PPOX: variants seen among roughly 807,000 people sequenced by gnomAD.
PPOX encodes variegate porphyria.
Under a neutral mutation model 54.1 loss-of-function variants are expected in PPOX, and 23 were observed. The ratio of observed to expected loss-of-function variants is 0.43; its 90% CI spans 0.31 to 0.60. The LOEUF (loss-of-function observed/expected upper bound fraction) is 0.60, where lower values mean the gene tolerates loss of function less well. PPOX is among the 20% of genes least tolerant of loss of function. PPOX has a pLI of 0.13. For synonymous variants in PPOX, 224 were observed against 236.1 expected (o/e 0.95, Z 0.47); for missense variants, 512 against 601.1 (o/e 0.85, Z 1.55).
At chr1:161,168,969 G>T in intron 6 of PPOX, 24 bp from the exon 7 acceptor site, 1 of 1,612,670 alleles carries the variant, frequency 6.2e-7, no homozygotes, top group Non-Finnish European at 8.5e-7. Flanking sequence ...CAGCCTCAAT[G>T]ATTCTTCTTT....
chr1:161,170,379 C>T lies in PPOX; in HGVS notation c.988-30C>T, dbSNP rs201087074. 7.9e-6 allele frequency: 11 copies of T among 1,398,414 alleles called. No individual in the cohort carries two copies. The South Asian group carries it at 1.3e-4, about 16-fold the overall frequency. The allele number at this position is 1,398,414 out of a possible 1,614,324, so 86.6% of individuals were successfully genotyped here. A position where few individuals can be genotyped will look rare whatever the true frequency, so the allele number is the denominator to read the frequency against. On this transcript the variant is annotated intron_variant, in intron 9 of 12. Coordinates refer to ENST00000367999, the MANE Select transcript of PPOX (RefSeq NM_001122764.3). ...AGACAGCCTCAGCTAGAGCCCTTTC[C>T]TTCTGACGCATGAATGTCCTTCTCT...
Position 161,176,894 on chromosome 1 carries a change from G to T in PPOX, c.418G>T (p.Glu140Ter). The T allele has an allele frequency of 6.5e-7, 1 of 1,536,238 alleles. No individual in the cohort carries two copies. The highest frequency in any genetic ancestry group is 1.2e-5 in the South Asian group (1 of 84,056). Residue 140 changes from glutamate to a stop codon, truncating the protein, a stop_gained, in exon 5 of 5, where the codon GAG becomes TAG. Coordinates refer to the PPOX transcript ENST00000497522. LOFTEE classifies it low-confidence loss of function (END_TRUNC). ...GCGACAGAGTCATGACAGGACCGTG[G>T]AGTGGCCTAAGGAGTACCCAGGGCG...
intron 9 of PPOX, 33 bp from the exon 10 acceptor site, chr1:161,170,376 T>C: frequency 1.6e-6 from 2 of 1,260,162 alleles, no homozygotes; most frequent in Non-Finnish European, 2.1e-6. Context: ...CTAGAGCCCT[T>C]TCCTTCTGAC....
chr1:161,172,036 G>T (rs1661635426), downstream of PPOX: 1 of 1,614,196 alleles, frequency 6.2e-7, no homozygotes. Flanking sequence ...GTATGTCAGT[G>T]AGTTCATCCC....
At chr1:161,174,823 AG>A, downstream of PPOX, 1 of 669,310 alleles carries the variant, frequency 1.5e-6, no homozygotes, top group Non-Finnish European at 2.6e-6. Flanking sequence ...ATTAAGGAAA[AG>A]TATGGGACTA....
chr1:161,167,567 T>TTC, intron 4 of PPOX, 81 bp downstream of exon 4: 2 of 1,387,706 alleles, frequency 1.4e-6, no homozygotes, highest in East Asian at 2.5e-5. Context: ...CTTTTTTTTT[T>TTC]TTTTTTTTTT....
At chr1:161,170,321 T>TCCCCCCCCCCCCCCC in intron 9 of PPOX, 88 bp from the exon 10 acceptor site, 1 of 367,766 alleles carries the variant, frequency 2.7e-6, no homozygotes, top group Admixed American at 3.5e-5. Context: ...TGAGACTCTG[T>TCCCCCCCCCCCCCCC]CCCCCCCACC....
chr1:161,168,331 C>T lies in PPOX; in HGVS notation c.472-101C>T, dbSNP rs41270023. ...CCGTCACAGTGGGAATGTCCCCCAA[C>T]CCAAACCCTATCCCACCCTCATTCC... On this transcript the variant is annotated intron_variant, in intron 5 of 12. Coordinates refer to ENST00000367999, the MANE Select transcript of PPOX (RefSeq NM_001122764.3). 14,147 of 1,588,674 alleles carry T rather than the reference C, an allele frequency of 8.9e-3. 74 individuals carry two copies. Among genetic ancestry groups the T allele is most frequent in the Non-Finnish European group, 0.011 (12,516 of 1,157,892 alleles).
intron 6 of PPOX, 37 bp from the exon 7 acceptor site, chr1:161,168,956 A>G: frequency 6.2e-7 from 1 of 1,611,006 alleles, no homozygotes; most frequent in South Asian, 1.1e-5. Context: ...GAGCCACTGC[A>G]TCCAGCCTCA....
rs754598380 is a variant in PPOX at position 161,169,994 on chromosome 1, G to A, written c.957G>A (p.Leu319=). The change falls in exon 9 of 13, where the codon CTG becomes CTA. Residue 319 remains leucine (L), a synonymous_variant. Transcript: ENST00000367999. ...CAGTGTCTGTAGCTGTGGTGAATCT[G>A]CAGTACCAAGGAGCCCATCTGCCTG... ...ITAVSVAVVN[L]QYQGAHLPVQ... is the part of the protein sequence containing the mutation. 1.2e-6 allele frequency: 2 copies of A among 1,614,042 alleles called. No homozygotes were observed. Among genetic ancestry groups the A allele is most frequent in the East Asian group, 4.5e-5 (2 of 44,870 alleles).
chr1:161,173,993 G>A, downstream of PPOX: 2 of 1,614,036 alleles, frequency 1.2e-6, no homozygotes, highest in Non-Finnish European at 1.7e-6. Context: ...CATCACGCAG[G>A]GCCTCTCGCA....
At chr1:161,168,225 G>A in intron 5 of PPOX, 98 bp downstream of exon 5, 1 of 1,592,624 alleles carries the variant, frequency 6.3e-7, no homozygotes, top group Non-Finnish European at 8.6e-7. Flanking sequence ...TGTATCATTT[G>A]GGGATGCCCT....
rs757055878 is a variant in PPOX at position 161,169,223 on chromosome 1, T to C, written c.807+40T>C. 5.6e-6 allele frequency: 9 copies of C among 1,606,060 alleles called. No individual in the cohort carries two copies. The South Asian group carries it at 9.9e-5, about 18-fold the overall frequency. ...GGAGTGTAATGAACCTGTCAGTGTT[T>C]CCATCTTTATCCAAGTGGCTTAACT... is the stretch of plus-strand genomic sequence containing the variant. On this transcript the variant is annotated intron_variant, in intron 7 of 12. Coordinates refer to ENST00000367999, the MANE Select transcript of PPOX (RefSeq NM_001122764.3).
chr1:161,176,100 G>A, downstream of PPOX: 2 of 1,609,776 alleles, frequency 1.2e-6, no homozygotes, highest in Non-Finnish European at 1.7e-6. Flanking sequence ...GGAATTCTGG[G>A]GGTAGGCAGG....
chr1:161,168,064 GC>G lies in PPOX; in HGVS notation c.412del (p.Arg138GlyfsTer24). ...FWAGLRELTK[P>X]RGKEPDETVH... is the part of the protein sequence containing the mutation. ...GGGCTGGGCTGAGGGAGCTGACCAAGCCCCGGGGCAAAGAGCCTGATGAGAC... is the reference window on the plus strand; with the variant it reads ...GGGCTGGGCTGAGGGAGCTGACCAAGCCCGGGGCAAAGAGCCTGATGAGAC... On this transcript the variant is annotated frameshift_variant, in exon 5 of 13. Transcript: ENST00000367999. LOFTEE classifies it high-confidence loss of function. 6.2e-7 allele frequency: 1 copy of G among 1,614,130 alleles called. No homozygotes were observed. The highest frequency in any genetic ancestry group is 1.1e-5 in the South Asian group (1 of 91,092).
chr1:161,167,350 C>A (rs76314125), intron 3 of PPOX, 21 bp from the exon 4 acceptor site: 1 of 1,614,024 alleles, frequency 6.2e-7, no homozygotes, highest in South Asian at 1.1e-5. Flanking sequence ...TTCTCCTCTT[C>A]TGAGGGCATG....
At chr1:161,166,758 G>T in intron 1 of PPOX, 82 bp from the exon 2 acceptor site, 1 of 1,587,582 alleles carries the variant, frequency 6.3e-7, no homozygotes, top group Non-Finnish European at 8.5e-7. Context: ...GTGAGTGGCC[G>T]GGATAGAACT....
At chr1:161,168,275 C>G in intron 5 of PPOX, 148 bp downstream of exon 5, 1 of 1,541,098 alleles carries the variant, frequency 6.5e-7, no homozygotes. Flanking sequence ...TCCCAAAACT[C>G]ATTATTGGGA....
chr1:161,176,757 G>A (rs1377478378), intron 4 of PPOX: 7 of 1,036,482 alleles, frequency 6.8e-6, no homozygotes, highest in South Asian at 5.8e-5. Context: ...TAAGTGTCAG[G>A]TTCATACTTA....
Sources: allele counts gnomAD v4.1 joint callset, GRCh38; gene constraint gnomAD v4.1.1; transcripts MANE v1.5; gene names NCBI Gene and HGNC (gene_info 2026-07-23, HGNC 2026-07-21).